MUC5AC: variants seen among roughly 807,000 people sequenced by gnomAD.
MUC5AC encodes mucin 5AC, oligomeric mucus/gel-forming.
MUC5AC carries 158 observed loss-of-function variants against 169.7 expected under a neutral mutation model. The ratio of observed to expected loss-of-function variants is 0.93; its 90% CI spans 0.82 to 1.06. The LOEUF (loss-of-function observed/expected upper bound fraction) is 1.06. MUC5AC is among the 50% of genes least tolerant of loss of function. The probability of loss-of-function intolerance (pLI) is 0.00; values close to 1 mark genes in which losing one functional copy is unlikely to be tolerated. For synonymous variants in MUC5AC, 1,975 were observed against 1,237.0 expected (o/e 1.60, Z -12.52); for missense variants, 4,359 against 3,089.9 (o/e 1.41, Z -9.74).
At position 1,176,531 on chromosome 11, in the gene MUC5AC, G is replaced by T; in HGVS notation, c.2520G>T (p.Val840=). 2.5e-6 allele frequency: 1 copy of T among 399,724 alleles called. No individual in the cohort carries two copies. Among genetic ancestry groups the T allele is most frequent in the Non-Finnish European group, 4.4e-6 (1 of 226,902 alleles). 24.8% of individuals were successfully genotyped at this position (399,724 alleles called of 1,614,324 possible). A position where few individuals can be genotyped will look rare whatever the true frequency, so the allele number is the denominator to read the frequency against. ...LDMTCYSPQC[V]PGCVCPDGLV... The stretch of plus-strand genomic sequence containing the variant: ...CCCTGCAGTACAGCCCCCAGTGTGT[G>T]CCTGGCTGCGTGTGCCCCGACGGGC... Residue 840 remains valine, a synonymous_variant, in exon 21 of 49, where the codon GTG becomes GTT. Coordinates refer to ENST00000621226, the MANE Select transcript of MUC5AC (RefSeq NM_001304359.2).
In MUC5AC at chr11:1,169,025, T is replaced by G. The variant is rs1239590548; in HGVS notation, c.1869T>G (p.Asn623Lys). ...FEDPCSLSVE[N>K]EKYAQHWCSQ... ...ACCCCTGCTCTCTGAGCGTGGAGAA[T>G]GGTACGGGTGTCCACGGCTCGCCTC... Residue 623 changes from asparagine (N) to lysine (K), a missense_variant and splice_region_variant, in exon 15 of 49, where the codon AAT (asparagine) becomes AAG (lysine). Transcript: ENST00000621226. 20 of 1,569,872 alleles carry G rather than the reference T, an allele frequency of 1.3e-5. No homozygotes were observed. The highest frequency in any genetic ancestry group is 1.6e-5 in the Non-Finnish European group (19 of 1,155,496).
Position 1,194,510 on chromosome 11 carries a change from C to T in MUC5AC, c.15030C>T (p.Val5010=). The T allele has an allele frequency of 1.3e-6, 1 of 761,660 alleles. No homozygotes were observed. Among genetic ancestry groups the T allele is most frequent in the Non-Finnish European group, 2.4e-6 (1 of 415,670 alleles). 47.2% of individuals were successfully genotyped at this position (761,660 alleles called of 1,614,324 possible). A position where few individuals can be genotyped will look rare whatever the true frequency, so the allele number is the denominator to read the frequency against. The change falls in exon 35 of 49, where the codon GTC becomes GTT. Residue 5010 remains valine (V), a synonymous_variant. Transcript: ENST00000621226. ...TNEIIFNNKV[V]SPGFRKNGIV... is the part of the protein sequence containing the mutation. ...AGATCATCTTCAACAACAAGGTGGT[C>T]AGCCCCGGCTTCCGGAAAAACGGCA...
At chr11:1,174,469 A>T in intron 16 of MUC5AC, 27 bp from the exon 17 acceptor site, 2 of 1,395,716 alleles carry the variant, frequency 1.4e-6, no homozygotes, top group South Asian at 2.5e-5. Context: ...GGGGTCTCTG[A>T]TGCCCCGATG....
In MUC5AC at chr11:1,183,235, C is replaced by G. The variant is rs1489261945; in HGVS notation, c.5090C>G (p.Thr1697Ser). 5.2e-6 allele frequency: 2 copies of G among 384,392 alleles called. No individual in the cohort carries two copies. The highest frequency in any genetic ancestry group is 4.3e-6 in the Non-Finnish European group (1 of 231,240). The allele number at this position is 384,392 out of a possible 1,614,324, so 23.8% of individuals were successfully genotyped here. A position where few individuals can be genotyped will look rare whatever the true frequency, so the allele number is the denominator to read the frequency against. ...VATTRPTPHP[T>S]GAQTQTTFTT... is the part of the protein sequence containing the mutation. ...ACGACACGGCCGACTCCACATCCAA[C>G]CGGAGCTCAGACCCAGACCACCTTC... is the stretch of plus-strand genomic sequence containing the variant. Residue 1697 changes from threonine to serine, a missense_variant, in exon 31 of 49, where the codon ACC (threonine) becomes AGC (serine). Transcript: ENST00000621226.
At chr11:1,180,231 C>T (rs1237900828) in intron 27 of MUC5AC, 81 bp downstream of exon 27, 2 of 398,504 alleles carry the variant, frequency 5.0e-6, no homozygotes, top group Non-Finnish European at 4.4e-6. Flanking sequence ...CCTCTGTGGC[C>T]CCAGCTTCCA....
In MUC5AC at chr11:1,182,217, A is replaced by G; in HGVS notation, c.4072A>G (p.Ser1358Gly). ...CAGCGCGCACACAGGCCCTCCGAGC[A>G]GCGCCTGGCCCACCACAGCAGGCAC... The part of the protein sequence containing the change: ...PSSAHTGPPS[S>G]AWPTTAGTSP... Residue 1358 changes from serine to glycine, a missense_variant, in exon 31 of 49, where the codon AGC becomes GGC. By Grantham distance (56) the Ser-to-Gly change is moderately conservative. Coordinates refer to ENST00000621226, the MANE Select transcript of MUC5AC (RefSeq NM_001304359.2). 1 of 398,664 alleles carries G rather than the reference A, an allele frequency of 2.5e-6. No homozygotes were observed. Among genetic ancestry groups the G allele is most frequent in the Non-Finnish European group, 4.4e-6 (1 of 226,096 alleles). The allele number at this position is 398,664 out of a possible 1,614,324, so 24.7% of individuals were successfully genotyped here. A position where few individuals can be genotyped will look rare whatever the true frequency, so the allele number is the denominator to read the frequency against.
intron 47 of MUC5AC, 27 bp downstream of exon 47, chr11:1,199,791 C>A: frequency 2.8e-6 from 2 of 724,204 alleles, no homozygotes. Context: ...CTGGGCGGGG[C>A]GGGCTCCACC....
chr11:1,188,474 A>T lies in MUC5AC; in HGVS notation c.10329A>T (p.Thr3443=). 1 of 655,670 alleles carries T rather than the reference A, an allele frequency of 1.5e-6. No homozygotes were observed. The highest frequency in any genetic ancestry group is 2.8e-6 in the Non-Finnish European group (1 of 353,066). 40.6% of individuals were successfully genotyped at this position (655,670 alleles called of 1,614,324 possible). A position where few individuals can be genotyped will look rare whatever the true frequency, so the allele number is the denominator to read the frequency against. The stretch of plus-strand genomic sequence containing the variant: ...CAACCAGCACAACCTCTTCCCCTAC[A>T]ACCAGCACAACCTCTGCTACTACAA... ...APTTSTTSSP[T]TSTTSATTTS... The change falls in exon 31 of 49, where the codon ACA becomes ACT. Residue 3443 remains threonine, a synonymous_variant. Transcript: ENST00000621226.
rs201013876 is a variant in MUC5AC, at chr11:1,161,574, C to A, written c.199C>A (p.Pro67Thr). 19 of 1,610,248 alleles carry A rather than the reference C, an allele frequency of 1.2e-5. No homozygotes were observed. Among genetic ancestry groups the A allele is most frequent in the Non-Finnish European group, 1.4e-5 (17 of 1,178,364 alleles). The change falls in exon 3 of 49, where the codon CCT becomes ACT. Residue 67 changes from proline (P) to threonine (T), a missense_variant. Physicochemically the swap from Pro to Thr is conservative, Grantham distance 38 (BLOSUM62 -1). Coordinates refer to ENST00000621226, the MANE Select transcript of MUC5AC (RefSeq NM_001304359.2). Reference sequence around the variant, plus strand: ...TGTCTTCCCATCTCTGAGGACCATCCCTGTGGTACGAGGTGAGTGGAGCCC... The same window carrying A: ...TGTCTTCCCATCTCTGAGGACCATCACTGTGGTACGAGGTGAGTGGAGCCC... ...ATVFPSLRTIPVVRASNPAHN... is the reference protein window; with the variant it reads ...ATVFPSLRTITVVRASNPAHN...
chr11:1,197,440 C>T (rs1015150305), intron 40 of MUC5AC, 28 bp from the exon 41 acceptor site: 25 of 701,368 alleles, frequency 3.6e-5, no homozygotes, highest in Middle Eastern at 3.7e-4. Context: ...CCGCTGCGGA[C>T]GCTGGACCTC....
At position 1,178,454 on chromosome 11, in the gene MUC5AC, G is replaced by A; in HGVS notation, c.3098G>A (p.Cys1033Tyr). 4.1e-6 allele frequency: 3 copies of A among 736,044 alleles called. No individual in the cohort carries two copies. The highest frequency in any genetic ancestry group is 3.4e-5 in the East Asian group (1 of 29,506). The allele number at this position is 736,044 out of a possible 1,614,324, so 45.6% of individuals were successfully genotyped here. A position where few individuals can be genotyped will look rare whatever the true frequency, so the allele number is the denominator to read the frequency against. ...NLSPEFKGRV[C>Y]GLCGNFDDIA... ...CCGGTGCCTCTGCAGGGCAGGGTCTGCGGCCTGTGTGGGAACTTCGACGAC... is the reference window on the plus strand; with the variant it reads ...CCGGTGCCTCTGCAGGGCAGGGTCTACGGCCTGTGTGGGAACTTCGACGAC... The change falls in exon 25 of 49, where the codon TGC becomes TAC. Residue 1033 changes from cysteine (C) to tyrosine (Y), a missense_variant. By Grantham distance (194) the Cys-to-Tyr change is radical. Coordinates refer to ENST00000621226, the MANE Select transcript of MUC5AC (RefSeq NM_001304359.2).
intron 6 of MUC5AC, 35 bp from the exon 7 acceptor site, chr11:1,163,847 C>A: frequency 6.6e-7 from 1 of 1,517,712 alleles, no homozygotes; most frequent in Non-Finnish European, 9.0e-7. Flanking sequence ...GGTACCGGGA[C>A]CTGCAGGCAG....
In MUC5AC at chr11:1,193,522, C is replaced by A; in HGVS notation, c.14618C>A (p.Ala4873Asp). 1 of 757,896 alleles carries A rather than the reference C, an allele frequency of 1.3e-6. No homozygotes were observed. 46.9% of individuals were successfully genotyped at this position (757,896 alleles called of 1,614,324 possible). Reference sequence around the variant, plus strand: ...TGGGCCACACCCAACTGCTCCGAGGCCACCTGTGAGGGCAACAACGTCATC... The same window carrying A: ...TGGGCCACACCCAACTGCTCCGAGGACACCTGTGAGGGCAACAACGTCATC... ...ETWATPNCSE[A>D]TCEGNNVISL... The change falls in exon 33 of 49, where the codon GCC becomes GAC. Residue 4873 changes from alanine to aspartate, a missense_variant. Coordinates refer to ENST00000621226, the MANE Select transcript of MUC5AC (RefSeq NM_001304359.2).
Position 1,187,765 on chromosome 11 carries a change from T to C in MUC5AC, c.9620T>C (p.Val3207Ala), listed in dbSNP as rs1322591427. ...ASVSKTSTSH[V>A]SISKTTHSQP... is the part of the protein sequence containing the mutation. ...GTTTCAAAGACCAGCACAAGCCATG[T>C]TTCCATATCCAAGACAACCCACTCC... Residue 3207 changes from valine (V) to alanine (A), a missense_variant, in exon 31 of 49, where the codon GTT (valine) becomes GCT (alanine). Transcript: ENST00000621226. The C allele has an allele frequency of 3.9e-6, 3 of 765,030 alleles. No individual in the cohort carries two copies. Among genetic ancestry groups the C allele is most frequent in the Non-Finnish European group, 7.2e-6 (3 of 417,842 alleles). The allele number at this position is 765,030 out of a possible 1,614,324, so 47.4% of individuals were successfully genotyped here.
At chr11:1,160,520 G>A (rs1483622898) in intron 1 of MUC5AC, 92 bp from the exon 2 acceptor site, 34 of 1,132,016 alleles carry the variant, frequency 3.0e-5, no homozygotes, top group East Asian at 5.1e-5. Context: ...GTGGCCTCCC[G>A]TCCCTCTGGT....
At chr11:1,160,854 C>T (rs532811948) in intron 2 of MUC5AC, among the ~76,000 whole-genome samples, 165 bp downstream of exon 2, 6 of 152,334 alleles carry the variant, frequency 3.9e-5, no homozygotes, top group South Asian at 2.1e-4. Context: ...TGGCCCTGGT[C>T]GGTCACACTA....
Position 1,173,195 on chromosome 11 carries a change from C to T in MUC5AC, c.1965+672C>T, listed in dbSNP as rs1014651320. On this transcript the variant is annotated intron_variant, in intron 16 of 48. Coordinates refer to ENST00000621226, the MANE Select transcript of MUC5AC (RefSeq NM_001304359.2). Reference sequence around the variant, plus strand: ...TCATCTACTTACTCATTCACTCATCCGCTCACTCATTTACTCACTCATTCA... The same window carrying T: ...TCATCTACTTACTCATTCACTCATCTGCTCACTCATTTACTCACTCATTCA... 3.0e-3 allele frequency among the ~76,000 whole-genome samples: 451 copies of T among 151,962 alleles called. 4 individuals are homozygous for T. The highest frequency in any genetic ancestry group is 9.5e-3 in the African/African-American group (393 of 41,450).
chr11:1,165,957 C>T (rs1380039299), intron 11 of MUC5AC, among the ~76,000 whole-genome samples, 197 bp downstream of exon 11: 2 of 152,178 alleles, frequency 1.3e-5, no homozygotes, highest in Admixed American at 6.5e-5. Context: ...CAGATCAGAG[C>T]CTCCAGCACC....
intron 19 of MUC5AC, among the ~76,000 whole-genome samples, 153 bp from the exon 20 acceptor site, chr11:1,175,974 TCACACCCACTCATGGACACGCTCA>T (rs1356678063): frequency 2.3e-5 from 2 of 86,464 alleles, no homozygotes; most frequent in Admixed American, 1.3e-4. Context: ...TATGCAACGC[TCACACCCACTCATGGACACGCTCA>T]CACACCCACT....
Sources: gnomAD v4.1 joint callset for allele counts (sites outside exome capture counted in the v4.1 genomes callset) on GRCh38, gnomAD v4.1.1 for gene constraint, MANE v1.5 for transcripts, NCBI Gene and HGNC (gene_info 2026-07-23, HGNC 2026-07-21) for gene names.